The following SND1 variants were observed in gnomAD, a reference collection of about 807,000 sequenced individuals.
The protein encoded by SND1 is staphylococcal nuclease domain-containing protein 1.
SND1 carries 38 observed loss-of-function variants against 121.7 expected under a neutral mutation model. The observed-to-expected ratio is 0.31, with a 90% CI of 0.24 to 0.41. The LOEUF is 0.41. Among genes scored for constraint, SND1 ranks in the 10% least tolerant of loss-of-function variants. The pLI, the probability that SND1 is intolerant of heterozygous loss-of-function variation, is 1.00. For missense variants in SND1, 868 were observed against 1,184.6 expected (o/e 0.73, Z 3.92); for synonymous variants, 401 against 447.4 (o/e 0.90, Z 1.31).
intron 16 of SND1, among the ~76,000 whole-genome samples, chr7:128,057,142 C>T (rs1011168569): frequency 1.3e-5 from 2 of 152,196 alleles, no homozygotes; most frequent in South Asian, 2.1e-4. Context: ...TATTTTCAGA[C>T]AGCGGTTGAC....
chr7:127,964,334 C>T (rs1435230996), intron 15 of SND1, among the ~76,000 whole-genome samples: 2 of 145,688 alleles, frequency 1.4e-5, no homozygotes, highest in East Asian at 4.0e-4. Flanking sequence ...TTGCCCACGC[C>T]TATGTCCTGA....
rs200977857 is a variant in SND1, at chr7:127,745,932, C to A, written c.1152+24532C>A. ...GCATCTCCAACAGAGGCCCTAACTT[C>A]AGCTGCCCTCTGCCTGGTTGCTTAC... On this transcript the variant is annotated intron_variant, in intron 10 of 23. Coordinates refer to ENST00000354725, the MANE Select transcript of SND1 (RefSeq NM_014390.4). Among the ~76,000 whole-genome samples the A allele has an allele frequency of 3.3e-5, 5 of 152,340 alleles. No individual in the cohort carries two copies. The East Asian group carries it at 9.6e-4, about 29-fold the overall frequency.
chr7:127,745,595 T>C (rs1796967630), intron 10 of SND1, among the ~76,000 whole-genome samples: 1 of 152,198 alleles, frequency 6.6e-6, no homozygotes, highest in Non-Finnish European at 1.5e-5. Context: ...TGACTAATGA[T>C]GATAGCGAGA....
chr7:128,078,581 C>A (rs1256511444), intron 17 of SND1, among the ~76,000 whole-genome samples: 1 of 152,242 alleles, frequency 6.6e-6, no homozygotes, highest in African/African-American at 2.4e-5. Flanking sequence ...CTTTGGTTTG[C>A]ATCTTCCGTG....
rs76707109 is a variant in SND1 at position 127,881,649 on chromosome 7, G to C, written c.1344-6253G>C. Among the ~76,000 whole-genome samples, 11 of 152,268 alleles carry C rather than the reference G, an allele frequency of 7.2e-5. No homozygotes were observed. The East Asian group carries it at 2.1e-3, about 29-fold the overall frequency. On this transcript the variant is annotated intron_variant, in intron 12 of 23. Transcript: ENST00000354725. The stretch of plus-strand genomic sequence containing the variant: ...TGGACAGGCAAATGCAAAACACACA[G>C]TCTGGTTCTCTCATTGAAAAGCTCG...
chr7:127,796,890 C>CTT (rs36078891), intron 10 of SND1, among the ~76,000 whole-genome samples: 2,282 of 102,050 alleles, frequency 0.022, 76 homozygotes, highest in Non-Finnish European at 0.033. Context: ...TTTCCTGAGT[C>CTT]TTTTTTTTTT....
At chr7:128,033,414 C>T (rs1249499082) in intron 16 of SND1, among the ~76,000 whole-genome samples, 2 of 152,140 alleles carry the variant, frequency 1.3e-5, no homozygotes, top group African/African-American at 2.4e-5. Context: ...CTCAACCCAC[C>T]CCTCTCCCCG....
At chr7:127,851,374 A>G (rs1251270835) in intron 12 of SND1, among the ~76,000 whole-genome samples, 2 of 152,168 alleles carry the variant, frequency 1.3e-5, no homozygotes, top group African/African-American at 4.8e-5. Flanking sequence ...TTATGTTGTA[A>G]CTTTTGCTTC....
intron 16 of SND1, among the ~76,000 whole-genome samples, chr7:128,032,272 C>T (rs1020623034): frequency 6.6e-6 from 1 of 151,134 alleles, no homozygotes; most frequent in Non-Finnish European, 1.5e-5. Context: ...GCCCGTCTTC[C>T]TCTTTCCTCC....
chr7:127,766,771 CAA>C (rs59243807), intron 10 of SND1, among the ~76,000 whole-genome samples: 365 of 33,174 alleles, frequency 0.011, 1 homozygote, highest in Middle Eastern at 0.036. Flanking sequence ...GACTTTGTCT[CAA>C]AAAAAAAAAA....
chr7:127,948,821 G>A (rs979930322), intron 15 of SND1, among the ~76,000 whole-genome samples: 3 of 152,198 alleles, frequency 2.0e-5, no homozygotes, highest in Non-Finnish European at 2.9e-5. Flanking sequence ...ACCCTCTTCC[G>A]TTCCCAGTTC....
chr7:128,041,621 G>A (rs1435799843), intron 16 of SND1, among the ~76,000 whole-genome samples: 1 of 152,216 alleles, frequency 6.6e-6, no homozygotes, highest in Non-Finnish European at 1.5e-5. Flanking sequence ...TCCTCTATCA[G>A]ATTTAGAAAG....
intron 11 of SND1, among the ~76,000 whole-genome samples, chr7:127,814,810 G>A (rs199593696): frequency 1.4e-4 from 21 of 152,258 alleles, no homozygotes; most frequent in East Asian, 7.7e-4. Flanking sequence ...GTTTGTTTGC[G>A]TGTGAGAAGG....
intron 2 of SND1, among the ~76,000 whole-genome samples, chr7:127,689,431 A>G (rs1795874196): frequency 6.6e-6 from 1 of 152,230 alleles, no homozygotes; most frequent in African/African-American, 2.4e-5. Flanking sequence ...CCCAGAAGGA[A>G]GAACTAGTGT....
chr7:127,661,830 C>A (rs1415887196), intron 1 of SND1, among the ~76,000 whole-genome samples: 4 of 151,996 alleles, frequency 2.6e-5, no homozygotes, highest in Non-Finnish European at 4.4e-5. Context: ...AAAGAAAAAT[C>A]CCTAGCTGGG....
At chr7:127,976,800 T>C (rs1802130355) in intron 15 of SND1, among the ~76,000 whole-genome samples, 1 of 152,140 alleles carries the variant, frequency 6.6e-6, no homozygotes, top group Non-Finnish European at 1.5e-5. Context: ...AGACTGCTTG[T>C]CACAACACCA....
At chr7:127,997,192 C>T (rs1247719533) in intron 16 of SND1, among the ~76,000 whole-genome samples, 1 of 152,218 alleles carries the variant, frequency 6.6e-6, no homozygotes, top group African/African-American at 2.4e-5. Flanking sequence ...ACTCAAATAT[C>T]TGCATTCCAA....
chr7:127,958,901 T>G (rs1295404007), intron 15 of SND1, among the ~76,000 whole-genome samples: 6 of 151,938 alleles, frequency 3.9e-5, no homozygotes, highest in African/African-American at 7.3e-5. Flanking sequence ...GAGATGAGAG[T>G]TGAGGGTACA....
At chr7:127,720,468 A>G (rs1378961109) in intron 9 of SND1, among the ~76,000 whole-genome samples, 2 of 152,232 alleles carry the variant, frequency 1.3e-5, no homozygotes, top group African/African-American at 2.4e-5. Flanking sequence ...TATGCGTTCT[A>G]GCTACAACAC....
Sources: allele counts gnomAD v4.1 joint callset (sites outside exome capture counted in the v4.1 genomes callset), GRCh38; gene constraint gnomAD v4.1.1; transcripts MANE v1.5; gene names NCBI Gene and HGNC (gene_info 2026-07-23, HGNC 2026-07-21).